Variants in VPS13D observed in about 807,000 individuals in gnomAD.
VPS13D encodes the protein vacuolar protein sorting 13 homolog D.
In VPS13D, 187 loss-of-function variants were observed where a neutral mutation model predicts 461.9. That is an observed-to-expected ratio of 0.40 (90% CI 0.36 to 0.46). VPS13D has a LOEUF of 0.46. VPS13D is among the 20% of genes least tolerant of loss of function. VPS13D has a pLI of 0.60. For missense variants in VPS13D, 4,711 were observed against 5,364.9 expected (o/e 0.88, Z 3.81); for synonymous variants, 1,951 against 1,986.3 (o/e 0.98, Z 0.47).
intron 62 of VPS13D, chr1:12,402,685 T>C (rs1424118204): frequency 2.0e-5 from 3 of 152,240 alleles, no homozygotes; most frequent in African/African-American, 4.8e-5. Flanking sequence ...GACAGCCACT[T>C]GGGAGCCTGC....
rs891639904 is a variant in VPS13D at position 12,429,821 on chromosome 1, G to A, written c.12333+12994G>A. On this transcript the variant is annotated intron_variant, in intron 65 of 69. Transcript: ENST00000620676. ...CTCATGAAGCCAGGTGGGCACTATT[G>A]ATTGGACCCAGGCTTCGCTTAAGGT... 3.3e-5 allele frequency among the ~76,000 whole-genome samples: 5 copies of A among 152,208 alleles called. No individual in the cohort carries two copies. In the East Asian group the frequency reaches 9.6e-4, roughly 29 times the overall value.
intron 67 of VPS13D, among the ~76,000 whole-genome samples, chr1:12,478,231 G>C (rs138695249): frequency 2.6e-5 from 4 of 152,260 alleles, no homozygotes; most frequent in African/African-American, 9.6e-5. Context: ...TCCGAAGCAC[G>C]GCTGGCTTAC....
intron 67 of VPS13D, among the ~76,000 whole-genome samples, chr1:12,485,187 A>G (rs530530421): frequency 1.8e-4 from 27 of 152,380 alleles, no homozygotes; most frequent in Non-Finnish European, 3.1e-4. Context: ...ACATTTTGTC[A>G]TTAAAACATG....
rs1379167724 is a variant in VPS13D, at chr1:12,276,153, C to T, written c.2565C>T (p.His855=). 1.9e-6 allele frequency: 3 copies of T among 1,614,112 alleles called. No homozygotes were observed. Among genetic ancestry groups the T allele is most frequent in the Non-Finnish European group, 2.5e-6 (3 of 1,180,006 alleles). Residue 855 remains histidine (H), a synonymous_variant, in exon 19 of 70, where the codon CAC becomes CAT. Coordinates refer to ENST00000620676, the MANE Select transcript of VPS13D (RefSeq NM_015378.4). The surrounding 1 kb of genome is among the most constrained non-coding windows in gnomAD (Gnocchi z 4.5). The part of the protein sequence containing the change: ...PTHVVEKFNV[H]LQLERRLIYT... ...ATGTGGTAGAGAAGTTCAACGTTCA[C>T]CTACAGTTAGAGCGTCGATTGATTT...
intron 51 of VPS13D, 91 bp from the exon 52 acceptor site, chr1:12,362,981 G>C: frequency 6.3e-7 from 1 of 1,580,960 alleles, no homozygotes; most frequent in Non-Finnish European, 8.6e-7. Flanking sequence ...GATAGCTCCT[G>C]TTAGAGGGTA....
At chr1:12,464,209 T>C (rs1038577687) in intron 67 of VPS13D, among the ~76,000 whole-genome samples, 4 of 152,150 alleles carry the variant, frequency 2.6e-5, no homozygotes, top group Non-Finnish European at 5.9e-5. Flanking sequence ...TCAGGGTTTT[T>C]CCCCACTGTT....
At chr1:12,257,904 G>A (rs2101270541) in intron 9 of VPS13D, 31 bp from the exon 10 acceptor site, 1 of 1,611,886 alleles carries the variant, frequency 6.2e-7, no homozygotes, top group South Asian at 1.1e-5. Context: ...TTTGTTGTAA[G>A]AAGTGATTAC....
At chr1:12,420,763 A>C (rs1644852981) in intron 65 of VPS13D, among the ~76,000 whole-genome samples, 1 of 152,132 alleles carries the variant, frequency 6.6e-6, no homozygotes, top group African/African-American at 2.4e-5. Context: ...TCCTCTGTTA[A>C]GAGATTTGTT....
chr1:12,441,110 G>T (rs906411839), intron 65 of VPS13D, among the ~76,000 whole-genome samples: 3 of 152,008 alleles, frequency 2.0e-5, no homozygotes, highest in Admixed American at 6.6e-5. Flanking sequence ...AATTTTAGTA[G>T]AGACGGGGTT....
Position 12,231,898 on chromosome 1 carries a change from G to T in VPS13D, c.-77+1778G>T, listed in dbSNP as rs570657951. Among the ~76,000 whole-genome samples the T allele has an allele frequency of 1.1e-3, 168 of 152,306 alleles. 3 individuals are homozygous for T. Among genetic ancestry groups the T allele is most frequent in the African/African-American group, 3.7e-3 (154 of 41,566 alleles). On this transcript the variant is annotated intron_variant, in intron 1 of 69. Transcript: ENST00000620676. ...AGCTACTCAGGAGGCAGAGGTAGGA[G>T]AATCGCTTGAACCCAGGAGATGGCG...
Position 12,293,537 on chromosome 1 carries a change from G to A in VPS13D, c.5866G>A (p.Asp1956Asn). The change falls in exon 24 of 70, where the codon GAC becomes AAC. Residue 1956 changes from aspartate to asparagine, a missense_variant. Physicochemically the swap from Asp to Asn is conservative, Grantham distance 23. This residue lies in a region of VPS13D where 4,411 missense variants were observed against 4,937.8 expected (regional missense o/e 0.89). Coordinates refer to ENST00000620676, the MANE Select transcript of VPS13D (RefSeq NM_015378.4). ...CCTAATTTTTAGATACGGACGGCCT[G>A]ACCCTCTGCTCCGGAGAGAACACGA... is the stretch of plus-strand genomic sequence containing the variant. The part of the protein sequence containing the change: ...IFQTFKYGRP[D>N]PLLRREHDIR... 1 of 1,608,370 alleles carries A rather than the reference G, an allele frequency of 6.2e-7. No individual in the cohort carries two copies. The highest frequency in any genetic ancestry group is 8.5e-7 in the Non-Finnish European group (1 of 1,176,626).
intron 1 of VPS13D, among the ~76,000 whole-genome samples, chr1:12,230,730 C>G (rs1044016119): frequency 4.0e-5 from 6 of 151,708 alleles, no homozygotes; most frequent in Admixed American, 3.9e-4. Flanking sequence ...AGCCACTCCT[C>G]CTAGGTGTGG....
chr1:12,330,654 G>C (rs1643306603), intron 37 of VPS13D, among the ~76,000 whole-genome samples: 1 of 151,924 alleles, frequency 6.6e-6, no homozygotes, highest in Non-Finnish European at 1.5e-5. Context: ...TGCAACTTCT[G>C]CCTCCAAGTT....
rs1369575511 is a variant in VPS13D, at chr1:12,507,006, T to C, written c.12948T>C (p.His4316=). 3 of 1,614,102 alleles carry C rather than the reference T, an allele frequency of 1.9e-6. No homozygotes were observed. Among genetic ancestry groups the C allele is most frequent in the Non-Finnish European group, 2.5e-6 (3 of 1,180,048 alleles). The change falls in exon 69 of 70, where the codon CAT becomes CAC. Residue 4316 remains histidine, a synonymous_variant. Coordinates refer to ENST00000620676, the MANE Select transcript of VPS13D (RefSeq NM_015378.4). This position sits in a 1 kb window ranked among gnomAD's most constrained non-coding sequence, Gnocchi z 5.3. ...ACCACTGCCTTGTCTCCAAAGACCA[T>C]GGGAAGGTGTATGTGCAGGTGACCA... ...DLYHCLVSKD[H]GKVYVQVTKK... is the part of the protein sequence containing the mutation.
At chr1:12,379,687 C>G (rs762485774) in intron 57 of VPS13D, 91 bp downstream of exon 57, 1 of 884,942 alleles carries the variant, frequency 1.1e-6, no homozygotes, top group Non-Finnish European at 1.7e-6. Flanking sequence ...ATGAATTGTT[C>G]AGTGGGAAAA....
chr1:12,452,080 A>G (rs1203298165), intron 65 of VPS13D, among the ~76,000 whole-genome samples: 2 of 152,226 alleles, frequency 1.3e-5, no homozygotes, highest in Admixed American at 6.5e-5. Flanking sequence ...TGCCACATCC[A>G]TACTTCCCTA....
At chr1:12,395,919 T>A (rs1644488686) in intron 60 of VPS13D, among the ~76,000 whole-genome samples, 1 of 148,722 alleles carries the variant, frequency 6.7e-6, no homozygotes, top group Non-Finnish European at 1.5e-5. Flanking sequence ...TCCTTAATAT[T>A]CTGTTCCTCT....
intron 2 of VPS13D, among the ~76,000 whole-genome samples, chr1:12,237,295 G>A (rs1361578843): frequency 1.3e-5 from 2 of 150,930 alleles, no homozygotes; most frequent in African/African-American, 4.9e-5. Flanking sequence ...TTCAAGACTA[G>A]CCTGGGCAAT....
At chr1:12,245,218 C>T (rs1160783721) in intron 5 of VPS13D, among the ~76,000 whole-genome samples, 1 of 152,130 alleles carries the variant, frequency 6.6e-6, no homozygotes, top group Non-Finnish European at 1.5e-5. Flanking sequence ...ATCAGGGTCC[C>T]ACTAATTTTC....
Sources: gnomAD v4.1 joint callset for allele counts (sites outside exome capture counted in the v4.1 genomes callset) on GRCh38, gnomAD v4.1.1 for gene constraint, gnomAD v4.1.1 regional missense constraint, Gnocchi (gnomAD v3.1) non-coding constraint, MANE v1.5 for transcripts, NCBI Gene and HGNC (gene_info 2026-07-23, HGNC 2026-07-21) for gene names.